Variants in SLC35F6 observed in about 807,000 individuals in gnomAD.
The protein encoded by SLC35F6 is ANT2-binding protein.
Under a neutral mutation model 29.4 loss-of-function variants are expected in SLC35F6, and 26 were observed. That is an observed-to-expected ratio of 0.89 (90% confidence interval 0.65 to 1.23). SLC35F6 has a LOEUF of 1.23. SLC35F6 is among the 50% of genes most tolerant of loss of function. The pLI is 0.00. For synonymous variants in SLC35F6, 174 were observed against 206.6 expected (o/e 0.84, Z 1.35); for missense variants, 428 against 487.8 (o/e 0.88, Z 1.15).
At chr2:26,773,843 G>A (rs987946767) in intron 1 of SLC35F6, among the ~76,000 whole-genome samples, 2 of 151,998 alleles carry the variant, frequency 1.3e-5, no homozygotes, top group Non-Finnish European at 2.9e-5. Flanking sequence ...AACTCCAGAC[G>A]TCAAGTGATC....
chr2:26,771,260 T>A (rs1252926330), intron 1 of SLC35F6, among the ~76,000 whole-genome samples: 1 of 152,196 alleles, frequency 6.6e-6, no homozygotes, highest in African/African-American at 2.4e-5. Flanking sequence ...CAGACTCAGG[T>A]GGGAAGTAGG....
Position 26,775,439 on chromosome 2 carries a change from C to T in SLC35F6, c.323-25C>T. 6.2e-7 allele frequency: 1 copy of T among 1,607,570 alleles called. No individual in the cohort carries two copies. The highest frequency in any genetic ancestry group is 1.1e-5 in the South Asian group (1 of 90,668). ...GATGGCCTTCGCCTTGGGAAGCTAA[C>T]TGTAATTTGTTTCTCCTTTCCTAGC... On this transcript the variant is annotated intron_variant, in intron 3 of 5. Transcript: ENST00000344420. The surrounding 1 kb of genome is among the most constrained non-coding windows in gnomAD (Gnocchi z 4.6).
chr2:26,767,562 T>A (rs116561716), intron 1 of SLC35F6, among the ~76,000 whole-genome samples: 4,443 of 152,296 alleles, frequency 0.029, 96 homozygotes, highest in Middle Eastern at 0.061. Flanking sequence ...GCTTCTTCTT[T>A]CCCTGGCTGT....
intron 1 of SLC35F6, among the ~76,000 whole-genome samples, chr2:26,767,664 G>A (rs1214214267): frequency 6.6e-6 from 1 of 152,104 alleles, no homozygotes; most frequent in Non-Finnish European, 1.5e-5. Flanking sequence ...CCATCCACAG[G>A]TACTCATTTC....
rs1558293550 is a variant in SLC35F6, at chr2:26,775,058, CCTGGGAGAATTCT to C, written c.167_179del (p.Leu56ProfsTer21). On this transcript the variant is annotated frameshift_variant, in exon 3 of 6. Transcript: ENST00000344420. LOFTEE classifies it high-confidence loss of function. This position sits in a 1 kb window ranked among gnomAD's most constrained non-coding sequence, Gnocchi z 4.6. ...CATCCCTGCAGGCAGTGGGCATGTT[CCTGGGAGAATTCT>C]CCTGCCTGGCTGCCTTCTACCTCCT... 1 of 1,613,810 alleles carries C rather than the reference CCTGGGAGAATTCT, an allele frequency of 6.2e-7. No homozygotes were observed. Among genetic ancestry groups the C allele is most frequent in the East Asian group, 2.2e-5 (1 of 44,876 alleles).
rs118127774 is a variant in SLC35F6, at chr2:26,766,326, G to A, written c.77+1900G>A. On this transcript the variant is annotated intron_variant, in intron 1 of 5. Transcript: ENST00000344420. ...TGAAATCACATTTCTGGCCCGGCGC[G>A]GTGGCTTACGCCTGTCATCCCAGCA... Among the ~76,000 whole-genome samples, 182 of 152,348 alleles carry A rather than the reference G, an allele frequency of 1.2e-3. 5 individuals are homozygous for A. The East Asian group carries it at 0.034, about 28-fold the overall frequency.
chr2:26,777,584 A>G (rs2148059945), intron 5 of SLC35F6, among the ~76,000 whole-genome samples: 1 of 152,298 alleles, frequency 6.6e-6, no homozygotes, highest in Admixed American at 6.5e-5. Flanking sequence ...TTCTGGCGCA[A>G]GCTCCTTGTC....
rs1664364960 is a variant in SLC35F6 at position 26,779,234 on chromosome 2, T to A, written c.*723T>A. ...GTGAGACACCACACCCAGCCATAAC[T>A]AAGCATTATGTTTTCTAAAACTTCT... On this transcript the variant is annotated 3_prime_UTR_variant, in exon 6 of 6. Coordinates refer to ENST00000344420, the MANE Select transcript of SLC35F6 (RefSeq NM_017877.4). 6.6e-6 allele frequency: 1 copy of A among 152,224 alleles called. No homozygotes were observed. The highest frequency in any genetic ancestry group is 2.4e-5 in the African/African-American group (1 of 41,428). The allele number at this position is 152,224 out of a possible 1,614,324, so 9.4% of individuals were successfully genotyped here.
In SLC35F6 at chr2:26,778,081, C is replaced by G; in HGVS notation, c.686C>G (p.Pro229Arg). The change falls in exon 6 of 6, where the codon CCC (proline) becomes CGC (arginine). Residue 229 changes from proline to arginine, a missense_variant. Coordinates refer to ENST00000344420, the MANE Select transcript of SLC35F6 (RefSeq NM_017877.4). Reference sequence around the variant, plus strand: ...GTGATCCTCTCCCTGCTGCTGGTGCCCATGTACTACATCCCCGCCGGCTCC... The same window carrying G: ...GTGATCCTCTCCCTGCTGCTGGTGCGCATGTACTACATCCCCGCCGGCTCC... ...GFVILSLLLV[P>R]MYYIPAGSFS... 6.2e-7 allele frequency: 1 copy of G among 1,613,760 alleles called. No homozygotes were observed. The highest frequency in any genetic ancestry group is 8.5e-7 in the Non-Finnish European group (1 of 1,179,682).
intron 1 of SLC35F6, among the ~76,000 whole-genome samples, chr2:26,767,319 G>A (rs939027259): frequency 1.3e-5 from 2 of 152,200 alleles, no homozygotes; most frequent in Admixed American, 6.5e-5. Flanking sequence ...GGGTCCTCCC[G>A]CTGGAGTCCA....
chr2:26,769,251 G>C (rs187991156), intron 1 of SLC35F6, among the ~76,000 whole-genome samples: 5 of 152,214 alleles, frequency 3.3e-5, no homozygotes, highest in Admixed American at 6.5e-5. Flanking sequence ...TTGAGTTTGG[G>C]CCTGGCCATG....
At chr2:26,776,684 G>T (rs1664307783) in intron 5 of SLC35F6, among the ~76,000 whole-genome samples, 1 of 152,208 alleles carries the variant, frequency 6.6e-6, no homozygotes, top group Non-Finnish European at 1.5e-5. Context: ...TGAGATGCAA[G>T]CCCTTCAGAG....
chr2:26,780,858 G>C lies in SLC35F6; in HGVS notation c.*2347G>C, dbSNP rs2148061814. The C allele has an allele frequency of 6.6e-6, 1 of 152,426 alleles. No individual in the cohort carries two copies. The highest frequency in any genetic ancestry group is 1.5e-5 in the Non-Finnish European group (1 of 68,118). 9.4% of individuals were successfully genotyped at this position (152,426 alleles called of 1,614,324 possible). A position where few individuals can be genotyped will look rare whatever the true frequency, so the allele number is the denominator to read the frequency against. ...GTAGCTCAGTCATAAAACACCGAAT[G>C]CCTGCCTCAAAATAGCCTCTGAGGG... On this transcript the variant is annotated 3_prime_UTR_variant, in exon 6 of 6. Coordinates refer to ENST00000344420, the MANE Select transcript of SLC35F6 (RefSeq NM_017877.4).
intron 1 of SLC35F6, among the ~76,000 whole-genome samples, chr2:26,766,459 G>A (rs906274073): frequency 2.0e-5 from 3 of 152,156 alleles, no homozygotes; most frequent in East Asian, 1.9e-4. Context: ...TTAGCTGGGC[G>A]TGGTAGTGCG....
At chr2:26,774,961 A>G (rs892036273) in intron 2 of SLC35F6, 83 bp from the exon 3 acceptor site, 74 of 1,448,960 alleles carry the variant, frequency 5.1e-5, no homozygotes, top group Non-Finnish European at 6.7e-5. Flanking sequence ...TTGTTTGACA[A>G]AAGTTTGCAT....
intron 1 of SLC35F6, among the ~76,000 whole-genome samples, chr2:26,770,693 G>A (rs1664181693): frequency 6.6e-6 from 1 of 152,056 alleles, no homozygotes; most frequent in African/African-American, 2.4e-5. Context: ...ACTCCAGCCT[G>A]GGTGACAGAG....
chr2:26,766,927 T>TG (rs1422886045), intron 1 of SLC35F6, among the ~76,000 whole-genome samples: 2 of 152,190 alleles, frequency 1.3e-5, no homozygotes, highest in African/African-American at 4.8e-5. Flanking sequence ...TAACCACCAC[T>TG]GGAGGGTGTG....
Position 26,779,533 on chromosome 2 carries a change from T to G in SLC35F6, c.*1022T>G, listed in dbSNP as rs1382120992. The stretch of plus-strand genomic sequence containing the variant: ...CTGTGCTGTTTTTTTTGTTGTTTGT[T>G]TGTTTCTTCTTTTTGAGACAGAGTC... On this transcript the variant is annotated 3_prime_UTR_variant, in exon 6 of 6. Transcript: ENST00000344420. 1 of 152,290 alleles carries G rather than the reference T, an allele frequency of 6.6e-6. No homozygotes were observed. Among genetic ancestry groups the G allele is most frequent in the Non-Finnish European group, 1.5e-5 (1 of 68,180 alleles). The allele number at this position is 152,290 out of a possible 1,614,324, so 9.4% of individuals were successfully genotyped here.
At position 26,780,107 on chromosome 2, in the gene SLC35F6, A is replaced by G. The variant is rs954085788; in HGVS notation, c.*1596A>G. 6.6e-6 allele frequency: 1 copy of G among 152,168 alleles called. No homozygotes were observed. Among genetic ancestry groups the G allele is most frequent in the African/African-American group, 2.4e-5 (1 of 41,398 alleles). The allele number at this position is 152,168 out of a possible 1,614,324, so 9.4% of individuals were successfully genotyped here. On this transcript the variant is annotated 3_prime_UTR_variant, in exon 6 of 6. Coordinates refer to ENST00000344420, the MANE Select transcript of SLC35F6 (RefSeq NM_017877.4). ...CAGACCTGAGCCACCACACCTGGGC[A>G]ACAGAGTGAAACCTGTCCCTGTTTT... is the stretch of plus-strand genomic sequence containing the variant.
Sources: gnomAD v4.1 joint callset for allele counts (sites outside exome capture counted in the v4.1 genomes callset) on GRCh38, gnomAD v4.1.1 for gene constraint, Gnocchi (gnomAD v3.1) non-coding constraint, MANE v1.5 for transcripts, NCBI Gene and HGNC (gene_info 2026-07-23, HGNC 2026-07-21) for gene names.